The following NPAS3 variants were observed in gnomAD, a reference collection of about 807,000 sequenced individuals.
NPAS3 encodes neuronal PAS domain-containing protein 3.
A neutral mutation model predicts 73.1 loss-of-function variants in NPAS3; 14 were observed. That is an observed-to-expected ratio of 0.19 (90% CI 0.13 to 0.30). The LOEUF is 0.30. NPAS3 is among the 10% of genes least tolerant of loss of function. NPAS3 has a pLI of 1.00. For synonymous variants in NPAS3, 620 were observed against 541.5 expected (o/e 1.14, Z -2.01); for missense variants, 1,096 against 1,250.0 (o/e 0.88, Z 1.86).
At chr14:33,412,692 C>T (rs2047982062) in intron 4 of NPAS3, among the ~76,000 whole-genome samples, 1 of 152,148 alleles carries the variant, frequency 6.6e-6, no homozygotes, top group Non-Finnish European at 1.5e-5. Flanking sequence ...CTACTCCTCA[C>T]TGGTTACATG....
chr14:33,482,182 C>T (rs950326298), intron 4 of NPAS3, among the ~76,000 whole-genome samples: 2 of 151,716 alleles, frequency 1.3e-5, no homozygotes, highest in African/African-American at 4.8e-5. Flanking sequence ...GAAATTAGTT[C>T]ACCAAAGGTG....
chr14:33,747,806 A>G (rs1301760065), intron 7 of NPAS3, among the ~76,000 whole-genome samples: 1 of 152,124 alleles, frequency 6.6e-6, no homozygotes, highest in Non-Finnish European at 1.5e-5. Context: ...TCTGCTTTTT[A>G]TTCTCTCTAA....
At chr14:32,998,571 C>A in intron 1 of NPAS3, among the ~76,000 whole-genome samples, 1 of 152,150 alleles carries the variant, frequency 6.6e-6, no homozygotes, top group Non-Finnish European at 1.5e-5. Context: ...TTCACTGGCT[C>A]CCCCTTGTGT....
intron 6 of NPAS3, among the ~76,000 whole-genome samples, chr14:33,684,054 G>GCC (rs1394576052): frequency 1.3e-5 from 2 of 152,106 alleles, no homozygotes; most frequent in Non-Finnish European, 2.9e-5. Flanking sequence ...AAGATTAGAG[G>GCC]AAAGGGTACA....
At chr14:33,154,966 G>A (rs1001476078) in intron 2 of NPAS3, among the ~76,000 whole-genome samples, 1 of 152,084 alleles carries the variant, frequency 6.6e-6, no homozygotes, top group African/African-American at 2.4e-5. Flanking sequence ...AATATTTATG[G>A]ACACTGCAAT....
chr14:33,793,950 G>A (rs2063440231), exon 10 of NPAS3: 1 of 1,613,792 alleles, frequency 6.2e-7, no homozygotes, highest in Non-Finnish European at 8.5e-7. Context: ...GCAGAAGAAC[G>A]GAGGATATAT....
chr14:33,746,957 A>G (rs1440007351), intron 7 of NPAS3, among the ~76,000 whole-genome samples: 1 of 139,840 alleles, frequency 7.2e-6, no homozygotes, highest in South Asian at 2.2e-4. Flanking sequence ...ATGTGATCTC[A>G]TTGTTCAATT....
chr14:33,106,325 G>A (rs899472903), intron 2 of NPAS3, among the ~76,000 whole-genome samples: 4 of 152,120 alleles, frequency 2.6e-5, no homozygotes, highest in Middle Eastern at 3.2e-3. Flanking sequence ...AAATATAGTA[G>A]CAGCAATTCA....
intron 2 of NPAS3, among the ~76,000 whole-genome samples, chr14:33,205,502 C>G (rs558883295): frequency 6.6e-6 from 1 of 152,048 alleles, no homozygotes; most frequent in South Asian, 2.1e-4. Context: ...AATTTAGGCT[C>G]CTGGCAACCA....
chr14:33,372,312 T>C (rs1408454850), intron 4 of NPAS3, among the ~76,000 whole-genome samples: 1 of 152,184 alleles, frequency 6.6e-6, no homozygotes, highest in East Asian at 1.9e-4. Context: ...GGTGTGCCCG[T>C]TCTCTGAATG....
intron 5 of NPAS3, among the ~76,000 whole-genome samples, chr14:33,655,845 C>T (rs1443469772): frequency 2.0e-5 from 3 of 152,096 alleles, no homozygotes. Flanking sequence ...TCTCAAAAAA[C>T]CACAAAGTTG....
intron 1 of NPAS3, among the ~76,000 whole-genome samples, chr14:32,969,979 C>T (rs966411077): frequency 7.2e-5 from 11 of 152,114 alleles, no homozygotes; most frequent in African/African-American, 2.7e-4. Flanking sequence ...ATGAGAAGAG[C>T]AAAGACTCGC....
intron 7 of NPAS3, among the ~76,000 whole-genome samples, chr14:33,743,995 C>T (rs981701179): frequency 2.0e-5 from 3 of 152,226 alleles, no homozygotes; most frequent in African/African-American, 4.8e-5. Context: ...CTGGTTTGGT[C>T]TTCTATCCAG....
chr14:33,121,618 G>A (rs1234325331), intron 2 of NPAS3, among the ~76,000 whole-genome samples: 1 of 152,138 alleles, frequency 6.6e-6, no homozygotes, highest in Non-Finnish European at 1.5e-5. Context: ...AGACTTCAGA[G>A]TAAATCAGTC....
intron 6 of NPAS3, among the ~76,000 whole-genome samples, chr14:33,708,227 T>G (rs566050401): frequency 6.6e-6 from 1 of 152,214 alleles, no homozygotes; most frequent in South Asian, 2.1e-4. Context: ...CAAGGCGGTG[T>G]CCTCGGAAGA....
At chr14:32,999,415 G>T (rs2038718587) in intron 1 of NPAS3, among the ~76,000 whole-genome samples, 2 of 151,998 alleles carry the variant, frequency 1.3e-5, no homozygotes, top group South Asian at 2.1e-4. Context: ...GGAGGCTGAG[G>T]CAGGAGAATG....
At chr14:33,183,421 GTTTTTTTTTTTTTTTTTTTT>G (rs55643715) in intron 2 of NPAS3, among the ~76,000 whole-genome samples, 12 of 60,794 alleles carry the variant, frequency 2.0e-4, no homozygotes, top group African/African-American at 5.7e-4. Context: ...GTGAGACTCT[GTTTTTTTTTTTTTTTTTTTT>G]TTTTTTTTTT....
rs547098920 is a variant in NPAS3, at chr14:33,422,896, T to C, written c.468+55628T>C. Among the ~76,000 whole-genome samples the C allele has an allele frequency of 1.0e-3, 157 of 152,106 alleles. 2 individuals carry two copies. The South Asian group carries it at 0.031, about 30-fold the overall frequency. ...GAAATGGAATAGTGGAATTTTAAAA[T>C]TCAGTTGAATGAATTTGTCTTCTTC... On this transcript the variant is annotated intron_variant, in intron 4 of 11. Coordinates refer to ENST00000356141, the Ensembl canonical transcript of NPAS3.
At chr14:33,386,091 TGTA>T (rs1566855465) in intron 4 of NPAS3, among the ~76,000 whole-genome samples, 1 of 151,668 alleles carries the variant, frequency 6.6e-6, no homozygotes, top group Non-Finnish European at 1.5e-5. Context: ...TTTTGACCAA[TGTA>T]GTAGTGCTCA....
Sources: gnomAD v4.1 joint callset for allele counts (sites outside exome capture counted in the v4.1 genomes callset) on GRCh38, gnomAD v4.1.1 for gene constraint, MANE v1.5 for transcripts, NCBI Gene and HGNC (gene_info 2026-07-23, HGNC 2026-07-21) for gene names.